The following NPFFR2 variants were observed in gnomAD, a reference collection of about 807,000 sequenced individuals.
The protein encoded by NPFFR2 is G-protein coupled receptor 74.
Under a neutral mutation model 13.1 loss-of-function variants are expected in NPFFR2, and 15 were observed. That is an observed-to-expected ratio of 1.15 (90% confidence interval 0.77 to 1.76). The LOEUF (loss-of-function observed/expected upper bound fraction) is 1.76, where lower values mean the gene tolerates loss of function less well. Among genes scored for constraint, NPFFR2 ranks in the 40% most tolerant of loss-of-function variants. The pLI, the probability that NPFFR2 is intolerant of heterozygous loss-of-function variation, is 0.00. For missense variants in NPFFR2, 572 were observed against 503.5 expected, an observed-to-expected ratio of 1.14 and a Z score of -1.30; for synonymous variants, 190 against 175.7, an observed-to-expected ratio of 1.08 and a Z score of -0.65.
intron 1 of NPFFR2, among the ~76,000 whole-genome samples, chr4:72,036,576 A>G (rs1719044570): frequency 6.8e-6 from 1 of 148,098 alleles, no homozygotes; most frequent in African/African-American, 2.5e-5. Context: ...ACATTTAAAT[A>G]TATAGTATAT....
chr4:72,110,733 C>A (rs1721541894), intron 1 of NPFFR2, among the ~76,000 whole-genome samples: 1 of 151,984 alleles, frequency 6.6e-6, no homozygotes, highest in South Asian at 2.1e-4. Flanking sequence ...TCTTTCATTT[C>A]TGCAGATAGC....
intron 1 of NPFFR2, among the ~76,000 whole-genome samples, chr4:72,061,805 G>A (rs1176224346): frequency 6.6e-6 from 1 of 151,948 alleles, no homozygotes; most frequent in Non-Finnish European, 1.5e-5. Context: ...CAAGGGGAGG[G>A]AGAGCATTAG....
At chr4:72,079,744 A>G (rs1720551769) in intron 1 of NPFFR2, among the ~76,000 whole-genome samples, 1 of 152,138 alleles carries the variant, frequency 6.6e-6, no homozygotes, top group African/African-American at 2.4e-5. Flanking sequence ...GTATCAAAAC[A>G]TCTCAAAACT....
chr4:72,048,221 C>G (rs546188982), intron 1 of NPFFR2, among the ~76,000 whole-genome samples: 42 of 152,140 alleles, frequency 2.8e-4, no homozygotes, highest in African/African-American at 9.4e-4. Context: ...CACTCAAGTT[C>G]AGTTTCTTCT....
intron 1 of NPFFR2, among the ~76,000 whole-genome samples, chr4:72,042,902 A>G (rs1719265547): frequency 6.6e-6 from 1 of 152,232 alleles, no homozygotes; most frequent in South Asian, 2.1e-4. Flanking sequence ...GCAGAATTTA[A>G]TCACCAAAAC....
intron 1 of NPFFR2, among the ~76,000 whole-genome samples, chr4:72,102,123 T>C (rs1721267090): frequency 1.3e-5 from 2 of 152,096 alleles, no homozygotes; most frequent in Admixed American, 1.3e-4. Flanking sequence ...TTAAAAATCA[T>C]GAGTATGGGT....
intron 1 of NPFFR2, among the ~76,000 whole-genome samples, chr4:72,115,749 G>T (rs1332672966): frequency 6.6e-6 from 1 of 152,050 alleles, no homozygotes; most frequent in East Asian, 1.9e-4. Context: ...AGCCTTTTGT[G>T]TTCTGGTCCT....
chr4:72,042,618 C>A (rs1719253403), intron 1 of NPFFR2, among the ~76,000 whole-genome samples: 1 of 152,090 alleles, frequency 6.6e-6, no homozygotes, highest in African/African-American at 2.4e-5. Context: ...AGATGAGGAA[C>A]TTGTTGGGAA....
In NPFFR2 at chr4:72,118,177, G is replaced by A. The variant is rs145463822; in HGVS notation, c.-7-10408G>A. Among the ~76,000 whole-genome samples the A allele has an allele frequency of 4.4e-3, 668 of 152,222 alleles. 6 individuals carry two copies. The highest frequency in any genetic ancestry group is 0.015 in the African/African-American group (640 of 41,548). On this transcript the variant is annotated intron_variant, in intron 1 of 3. Coordinates refer to ENST00000308744, the MANE Select transcript of NPFFR2 (RefSeq NM_004885.3). ...TATGTGCTCTGGAGAAGAGCTGCAC[G>A]GAATAAAATCCCACTTCTGCTTTTT...
intron 1 of NPFFR2, among the ~76,000 whole-genome samples, chr4:72,049,994 A>G (rs1719495933): frequency 1.3e-5 from 2 of 152,062 alleles, no homozygotes; most frequent in South Asian, 4.1e-4. Flanking sequence ...GAAGGAAATC[A>G]ACACCATGAT....
In NPFFR2 at chr4:72,138,146, C is replaced by T; in HGVS notation, c.428+7C>T. On this transcript the variant is annotated splice_region_variant and intron_variant, in intron 3 of 3. Transcript: ENST00000308744. ...TTGCAATTGCTGTAGATAGGTAAGT[C>T]TGCACCAAACTCTGAATCCAGAAAA... 6.3e-7 allele frequency: 1 copy of T among 1,598,338 alleles called. No homozygotes were observed. The highest frequency in any genetic ancestry group is 8.6e-7 in the Non-Finnish European group (1 of 1,167,138).
At chr4:72,087,130 G>C (rs964221442) in intron 1 of NPFFR2, among the ~76,000 whole-genome samples, 1 of 151,990 alleles carries the variant, frequency 6.6e-6, no homozygotes, top group Non-Finnish European at 1.5e-5. Flanking sequence ...GATGATGTAC[G>C]TATTTTGGTG....
chr4:72,071,072 TTGAC>T (rs1159489536), intron 1 of NPFFR2, among the ~76,000 whole-genome samples: 11 of 152,262 alleles, frequency 7.2e-5, no homozygotes, highest in South Asian at 2.1e-4. Context: ...ATGTTGAACA[TTGAC>T]TGAGAAAAAA....
chr4:72,127,808 G>A (rs80072410), intron 1 of NPFFR2, among the ~76,000 whole-genome samples: 2,380 of 152,066 alleles, frequency 0.016, 65 homozygotes, highest in African/African-American at 0.054. Flanking sequence ...GGCCACGCAC[G>A]GTGGCTCATG....
chr4:72,068,270 G>A (rs1720133188), intron 1 of NPFFR2, among the ~76,000 whole-genome samples: 1 of 152,186 alleles, frequency 6.6e-6, no homozygotes. Flanking sequence ...GTTGTCTGGT[G>A]AGGGCTGTTC....
intron 1 of NPFFR2, among the ~76,000 whole-genome samples, chr4:72,050,901 T>G (rs1412950244): frequency 6.6e-6 from 1 of 151,784 alleles, no homozygotes; most frequent in African/African-American, 2.4e-5. Context: ...CTGAGAATGA[T>G]GATTTCCAAT....
At chr4:72,056,122 T>C (rs1157392955) in intron 1 of NPFFR2, among the ~76,000 whole-genome samples, 1 of 152,006 alleles carries the variant, frequency 6.6e-6, no homozygotes, top group Non-Finnish European at 1.5e-5. Flanking sequence ...ACACCTTCTA[T>C]TGGAAGAAGA....
At chr4:72,073,323 A>G (rs1003656525) in intron 1 of NPFFR2, among the ~76,000 whole-genome samples, 2 of 152,020 alleles carry the variant, frequency 1.3e-5, no homozygotes, top group Non-Finnish European at 2.9e-5. Context: ...ATAAACATAT[A>G]CAACTACAAT....
intron 1 of NPFFR2, among the ~76,000 whole-genome samples, chr4:72,122,469 A>G (rs1419623681): frequency 6.6e-6 from 1 of 152,296 alleles, no homozygotes; most frequent in African/African-American, 2.4e-5. Context: ...GCACCACGTC[A>G]CACTTATTCT....
Sources: allele counts gnomAD v4.1 joint callset (sites outside exome capture counted in the v4.1 genomes callset), GRCh38; gene constraint gnomAD v4.1.1; transcripts MANE v1.5; gene names NCBI Gene and HGNC (gene_info 2026-07-23, HGNC 2026-07-21).